TMEM94: variants seen among roughly 807,000 people sequenced by gnomAD.
The protein encoded by TMEM94 is ER Mg2+ ATPase.
Under a neutral mutation model 158.6 loss-of-function variants are expected in TMEM94, and 81 were observed. The observed-to-expected ratio is 0.51, with a 90% CI of 0.43 to 0.61. TMEM94 has a LOEUF of 0.61. Ranked by LOEUF, TMEM94 falls within the 20% of genes least tolerant of loss-of-function variation. The pLI is 0.00. For missense variants in TMEM94, 1,435 were observed against 1,762.0 expected, an observed-to-expected ratio of 0.81 and a Z score of 3.32; for synonymous variants, 751 against 730.7, an observed-to-expected ratio of 1.03 and a Z score of -0.45.
chr17:75,495,794 G>A lies in TMEM94; in HGVS notation c.2944+151G>A. 1.1e-6 allele frequency: 1 copy of A among 870,470 alleles called. No homozygotes were observed. Among genetic ancestry groups the A allele is most frequent in the Non-Finnish European group, 1.8e-6 (1 of 550,052 alleles). 53.9% of individuals were successfully genotyped at this position (870,470 alleles called of 1,614,324 possible). On this transcript the variant is annotated intron_variant, in intron 22 of 31. Transcript: ENST00000314256. This position sits in a 1 kb window ranked among gnomAD's most constrained non-coding sequence, Gnocchi z 5.6. The stretch of plus-strand genomic sequence containing the variant: ...CTGGGATCAGCTGGGGAATCTTGTG[G>A]GTTGGAGTCAGAAGTGCCGATGTTC...
chr17:75,461,958 T>G (rs987893451), intron 1 of TMEM94, among the ~76,000 whole-genome samples: 1 of 149,944 alleles, frequency 6.7e-6, no homozygotes, highest in Non-Finnish European at 1.5e-5. Context: ...TCACAAAGAT[T>G]TTTTCCTATC....
chr17:75,473,871 T>A (rs1308610530), intron 2 of TMEM94, among the ~76,000 whole-genome samples: 1 of 152,122 alleles, frequency 6.6e-6, no homozygotes, highest in Admixed American at 6.6e-5. Flanking sequence ...TCTCAGCACT[T>A]TGGGAGGCCG....
chr17:75,497,044 T>C, intron 25 of TMEM94, 69 bp from the exon 26 acceptor site: 2 of 1,371,346 alleles, frequency 1.5e-6, no homozygotes, highest in Non-Finnish European at 2.1e-6. Flanking sequence ...GCAAGGGAGC[T>C]CGGGGGCTCC....
At chr17:75,475,463 C>G (rs2050648044) in intron 2 of TMEM94, among the ~76,000 whole-genome samples, 1 of 152,228 alleles carries the variant, frequency 6.6e-6, no homozygotes. Flanking sequence ...GCTGTTTCCT[C>G]TCCCCTGGGG....
chr17:75,476,321 T>C (rs1452188932), intron 2 of TMEM94, among the ~76,000 whole-genome samples: 2 of 152,090 alleles, frequency 1.3e-5, no homozygotes, highest in Non-Finnish European at 2.9e-5. Flanking sequence ...CACTGTGGCC[T>C]CCTCTGAAGA....
In TMEM94 at chr17:75,488,802, C is replaced by T. The variant is rs369687856; in HGVS notation, c.656C>T (p.Pro219Leu). Residue 219 changes from proline (P) to leucine (L), a missense_variant, in exon 7 of 32, where the codon CCC (proline) becomes CTC (leucine). Physicochemically the swap from Pro to Leu is moderately conservative, Grantham distance 98 (BLOSUM62 -3). Coordinates refer to ENST00000314256, the MANE Select transcript of TMEM94 (RefSeq NM_014738.6). ...CTGGAGCCGGGAGACCTCTTCCCCC[C>T]CTTCTCCCCTCCACCCTCACCCCGG... ...IVLEPGDLFP[P>L]FSPPPSPRGE... The T allele has an allele frequency of 3.2e-5, 52 of 1,613,670 alleles. No homozygotes were observed. The highest frequency in any genetic ancestry group is 2.3e-4 in the South Asian group (21 of 90,986).
rs2052642257 is a variant in TMEM94, at chr17:75,495,981, T to C, written c.2960T>C (p.Ile987Thr). The change falls in exon 23 of 32, where the codon ATA becomes ACA. Residue 987 changes from isoleucine to threonine, a missense_variant. Ile to Thr is a moderately conservative substitution (Grantham distance 89). Transcript: ENST00000314256. The surrounding 1 kb of genome is among the most constrained non-coding windows in gnomAD (Gnocchi z 5.6). ...DCTPETMCEM[I>T]KIMQEYGEVT... ...CTGTCCTCAGCCATGTGTGAGATGA[T>C]AAAGATCATGCAAGAGTACGGGGAG... 2.5e-6 allele frequency: 4 copies of C among 1,613,100 alleles called. No individual in the cohort carries two copies. Among genetic ancestry groups the C allele is most frequent in the Admixed American group, 1.7e-5 (1 of 59,998 alleles).
rs779821238 is a variant in TMEM94, at chr17:75,496,366, G to A, written c.3138G>A (p.Ser1046=). The stretch of plus-strand genomic sequence containing the variant: ...CCAGCATCAGCATGGCCCAGGCCTC[G>A]GATGGCCTTTCTCCCCTGCAGCTGT... ...YATSISMAQA[S]DGLSPLQLSG... Residue 1046 remains serine (S), a synonymous_variant, in exon 24 of 32, where the codon TCG becomes TCA. Transcript: ENST00000314256. 1.6e-5 allele frequency: 26 copies of A among 1,613,916 alleles called. No homozygotes were observed. The highest frequency in any genetic ancestry group is 1.6e-4 in the Middle Eastern group (1 of 6,084).
chr17:75,485,286 G>A lies in TMEM94; in HGVS notation c.25-142G>A, dbSNP rs1478395749. ...AGATGGACATGGTCACACCTTGAGA[G>A]GCCAGAGCTGGTAGGGGAAGAGATG... On this transcript the variant is annotated intron_variant, in intron 2 of 31. Coordinates refer to ENST00000314256, the MANE Select transcript of TMEM94 (RefSeq NM_014738.6). The surrounding 1 kb of genome is among the most constrained non-coding windows in gnomAD (Gnocchi z 5.5). 2.2e-6 allele frequency: 2 copies of A among 890,214 alleles called. No homozygotes were observed. The highest frequency in any genetic ancestry group is 3.4e-6 in the Non-Finnish European group (2 of 590,802). 55.1% of individuals were successfully genotyped at this position (890,214 alleles called of 1,614,324 possible). A position where few individuals can be genotyped will look rare whatever the true frequency, so the allele number is the denominator to read the frequency against.
At chr17:75,493,414 G>T (rs530475044) in intron 16 of TMEM94, 77 bp from the exon 17 acceptor site, 29 of 1,427,342 alleles carry the variant, frequency 2.0e-5, no homozygotes, top group Admixed American at 3.4e-5. Flanking sequence ...CCTTCTCCAG[G>T]AGGACAGTGC....
At position 75,485,169 on chromosome 17, in the gene TMEM94, A is replaced by G. The variant is rs1208095030; in HGVS notation, c.25-259A>G. Among the ~76,000 whole-genome samples, 6 of 152,210 alleles carry G rather than the reference A, an allele frequency of 3.9e-5. No homozygotes were observed. The highest frequency in any genetic ancestry group is 7.2e-5 in the African/African-American group (3 of 41,464). ...CAGTGGGGAAAGTGAGTTGGGGAACATGGAATAAAAGAAAAAGTTGTTTTG... is the reference window on the plus strand; with the variant it reads ...CAGTGGGGAAAGTGAGTTGGGGAACGTGGAATAAAAGAAAAAGTTGTTTTG... On this transcript the variant is annotated intron_variant, in intron 2 of 31. Coordinates refer to ENST00000314256, the MANE Select transcript of TMEM94 (RefSeq NM_014738.6). This position sits in a 1 kb window ranked among gnomAD's most constrained non-coding sequence, Gnocchi z 5.5.
intron 2 of TMEM94, chr17:75,476,565 C>A: frequency 6.8e-7 from 1 of 1,467,346 alleles, no homozygotes; most frequent in South Asian, 1.4e-5. Flanking sequence ...GCTTCTTGCT[C>A]ACACACTCTC....
In TMEM94 at chr17:75,485,809, G is replaced by T. The variant is rs2051545300; in HGVS notation, c.145-62G>T. 2.0e-6 allele frequency: 3 copies of T among 1,535,380 alleles called. No homozygotes were observed. The highest frequency in any genetic ancestry group is 2.7e-5 in the African/African-American group (2 of 73,338). On this transcript the variant is annotated intron_variant, in intron 3 of 31. Transcript: ENST00000314256. The surrounding 1 kb of genome is among the most constrained non-coding windows in gnomAD (Gnocchi z 5.5). Reference sequence around the variant, plus strand: ...ATGGGGGCTGGGAAGGGTGCCGGGGGAGGCAGCCAGATTGGAGTGGGACAG... The same window carrying T: ...ATGGGGGCTGGGAAGGGTGCCGGGGTAGGCAGCCAGATTGGAGTGGGACAG...
At chr17:75,481,903 CTCT>C (rs993258635) in intron 2 of TMEM94, among the ~76,000 whole-genome samples, 2 of 152,242 alleles carry the variant, frequency 1.3e-5, no homozygotes, top group African/African-American at 4.8e-5. Flanking sequence ...TTTCATGGGG[CTCT>C]TCTTTGTCCC....
Position 75,493,682 on chromosome 17 carries a change from G to T in TMEM94, c.2190-17G>T. ...AGGCAGGAACACTCACCTCACCTCCGCCTGCTTCCCTGGCAGAAAGAAAGT... is the reference window on the plus strand; with the variant it reads ...AGGCAGGAACACTCACCTCACCTCCTCCTGCTTCCCTGGCAGAAAGAAAGT... On this transcript the variant is annotated splice_polypyrimidine_tract_variant and intron_variant, in intron 17 of 31. Coordinates refer to ENST00000314256, the MANE Select transcript of TMEM94 (RefSeq NM_014738.6). 6.2e-7 allele frequency: 1 copy of T among 1,613,786 alleles called. No homozygotes were observed. The highest frequency in any genetic ancestry group is 8.5e-7 in the Non-Finnish European group (1 of 1,179,974).
chr17:75,476,606 T>C (rs1370905081), intron 2 of TMEM94: 3 of 1,519,780 alleles, frequency 2.0e-6, no homozygotes, highest in Non-Finnish European at 2.6e-6. Flanking sequence ...TCCTCTTCTC[T>C]CTCTCTCTCT....
intron 2 of TMEM94, among the ~76,000 whole-genome samples, chr17:75,484,454 A>C (rs1201503067): frequency 1.3e-5 from 2 of 151,882 alleles, no homozygotes; most frequent in African/African-American, 4.8e-5. Context: ...GCTGGAGTGC[A>C]GTGGCACAAT....
intron 2 of TMEM94, among the ~76,000 whole-genome samples, chr17:75,482,528 G>A (rs143806096): frequency 0.05 from 781 of 15,656 alleles, 4 homozygotes; most frequent in African/African-American, 0.075. Context: ...ATATATATAT[G>A]TATGTATGTA....
intron 10 of TMEM94, 75 bp from the exon 11 acceptor site, chr17:75,490,627 C>G (rs576057371): frequency 1.9e-5 from 26 of 1,368,230 alleles, no homozygotes; most frequent in African/African-American, 1.1e-4. Flanking sequence ...TGTGGGCCCC[C>G]CCTCTGCCAG....
Sources: allele counts gnomAD v4.1 joint callset (sites outside exome capture counted in the v4.1 genomes callset), GRCh38; gene constraint gnomAD v4.1.1; non-coding constraint Gnocchi (gnomAD v3.1); transcripts MANE v1.5; gene names NCBI Gene and HGNC (gene_info 2026-07-23, HGNC 2026-07-21).